SCAF4: variants seen among roughly 807,000 people sequenced by gnomAD.
The protein encoded by SCAF4 is SR-related and CTD-associated factor 4.
SCAF4 carries 25 observed loss-of-function variants against 129.8 expected under a neutral mutation model. The ratio of observed to expected loss-of-function variants is 0.19; its 90% CI spans 0.14 to 0.27. SCAF4 has a LOEUF of 0.27. Among genes scored for constraint, SCAF4 ranks in the 10% least tolerant of loss-of-function variants. The pLI is 1.00. For synonymous variants in SCAF4, 551 were observed against 497.7 expected (o/e 1.11, Z -1.43); for missense variants, 1,246 against 1,457.1 (o/e 0.86, Z 2.36).
intron 12 of SCAF4, 122 bp from the exon 13 acceptor site, chr21:31,692,571 T>C (rs1277232498): frequency 1.3e-5 from 8 of 603,844 alleles, no homozygotes; most frequent in African/African-American, 3.7e-5. Context: ...CAAGTTTAAA[T>C]AGTAAATCTC....
intron 1 of SCAF4, among the ~76,000 whole-genome samples, chr21:31,720,227 A>G (rs1215354303): frequency 1.3e-5 from 2 of 152,246 alleles, no homozygotes; most frequent in African/African-American, 4.8e-5. Context: ...ACATAAAATC[A>G]TTTAATTAGA....
intron 1 of SCAF4, among the ~76,000 whole-genome samples, chr21:31,707,160 G>T (rs1012435786): frequency 6.6e-6 from 1 of 152,006 alleles, no homozygotes. Flanking sequence ...AGATGGGGGG[G>T]TTACTTTTTA....
At chr21:31,689,893 C>A (rs563396627) in intron 15 of SCAF4, among the ~76,000 whole-genome samples, 6 of 151,594 alleles carry the variant, frequency 4.0e-5, no homozygotes, top group Non-Finnish European at 8.8e-5. Context: ...CAAGATCATG[C>A]CACTGCACTC....
At chr21:31,677,167 C>T (rs2049878438) in intron 19 of SCAF4, among the ~76,000 whole-genome samples, 1 of 152,136 alleles carries the variant, frequency 6.6e-6, no homozygotes, top group South Asian at 2.1e-4. Flanking sequence ...TTTACCTGCA[C>T]CTGAATCCAC....
chr21:31,702,097 G>T, intron 5 of SCAF4, 147 bp downstream of exon 5: 1 of 1,289,510 alleles, frequency 7.8e-7, no homozygotes, highest in Non-Finnish European at 1.1e-6. Context: ...TTATAAATAG[G>T]AATTATGGAA....
At chr21:31,676,162 G>A (rs1300906458) in intron 19 of SCAF4, among the ~76,000 whole-genome samples, 1 of 152,080 alleles carries the variant, frequency 6.6e-6, no homozygotes, top group East Asian at 1.9e-4. Flanking sequence ...AAAGAGGAAC[G>A]ACTCAGTTCC....
At position 31,672,094 on chromosome 21, in the gene SCAF4, T is replaced by C; in HGVS notation, c.2749A>G (p.Arg917Gly). ...CCGAGCCCTGGCATTCCACCAGGCCTAACAAAGGGGCCATGCGGTGGGAAG... is the reference window on the plus strand; with the variant it reads ...CCGAGCCCTGGCATTCCACCAGGCCCAACAAAGGGGCCATGCGGTGGGAAG... ...GPFPPHGPFVRPGGMPGLGGP... is the reference protein window; with the variant it reads ...GPFPPHGPFVGPGGMPGLGGP... The change falls in exon 20 of 20, where the codon AGG becomes GGG. Residue 917 changes from arginine to glycine, a missense_variant. By Grantham distance (125) the Arg-to-Gly change is moderately radical. Transcript: ENST00000286835. 1 of 1,613,160 alleles carries C rather than the reference T, an allele frequency of 6.2e-7. No individual in the cohort carries two copies. Among genetic ancestry groups the C allele is most frequent in the Non-Finnish European group, 8.5e-7 (1 of 1,179,288 alleles).
chr21:31,721,781 C>CG (rs2051075042), intron 1 of SCAF4, among the ~76,000 whole-genome samples: 1 of 142,800 alleles, frequency 7.0e-6, no homozygotes, highest in East Asian at 2.1e-4. Flanking sequence ...GGCTGGAGTG[C>CG]ACAGGCACAA....
intron 1 of SCAF4, among the ~76,000 whole-genome samples, chr21:31,724,755 ATCTCTCT>A (rs562348396): frequency 1.1e-3 from 164 of 152,324 alleles, no homozygotes; most frequent in African/African-American, 3.7e-3. Flanking sequence ...CAATTGTGTC[ATCTCTCT>A]AGTAGGTACA....
intron 1 of SCAF4, among the ~76,000 whole-genome samples, chr21:31,731,415 G>A (rs2051353965): frequency 6.6e-6 from 1 of 152,230 alleles, no homozygotes; most frequent in South Asian, 2.1e-4. Context: ...GGCCGCAAGG[G>A]GGCGAGGGGA....
Position 31,671,801 on chromosome 21 carries a change from T to C in SCAF4, c.3042A>G (p.Glu1014=), listed in dbSNP as rs2049706127. The change falls in exon 20 of 20, where the codon GAA becomes GAG. Residue 1014 remains glutamate (E), a synonymous_variant. Transcript: ENST00000286835. The stretch of plus-strand genomic sequence containing the variant: ...TATCATCATTACGGTTCCCATACCG[T>C]TCCCGGTCATTTTCCACCCTATTTC... ...SFGNRVENDR[E]RYGNRNDDRD... 6.2e-7 allele frequency: 1 copy of C among 1,614,140 alleles called. No homozygotes were observed.
At chr21:31,718,597 C>T (rs1601265816) in intron 1 of SCAF4, among the ~76,000 whole-genome samples, 1 of 152,148 alleles carries the variant, frequency 6.6e-6, no homozygotes, top group Non-Finnish European at 1.5e-5. Context: ...CATCCCACCC[C>T]GAAAAGCTTT....
chr21:31,692,315 T>A (rs2050277989), intron 13 of SCAF4, 34 bp downstream of exon 13: 2 of 1,477,814 alleles, frequency 1.4e-6, no homozygotes, highest in East Asian at 4.5e-5. Context: ...ATCACACCTG[T>A]CCATCGTACT....
chr21:31,685,175 C>T lies in SCAF4; in HGVS notation c.2362G>A (p.Val788Met). ...DLSIGNPIPT[V>M]VSGARGNAES... ...GCGTTTCCTCTAGCCCCAGACACCA[C>T]TGTTGGAATGGGATTTCCAATAGAT... The change falls in exon 19 of 20, where the codon GTG becomes ATG. Residue 788 changes from valine to methionine, a missense_variant. Physicochemically the swap from Val to Met is conservative, Grantham distance 21. Transcript: ENST00000286835. 4 of 1,612,752 alleles carry T rather than the reference C, an allele frequency of 2.5e-6. No homozygotes were observed. Among genetic ancestry groups the T allele is most frequent in the Non-Finnish European group, 3.4e-6 (4 of 1,179,400 alleles).
At position 31,690,680 on chromosome 21, in the gene SCAF4, AG is replaced by A. The variant is rs2123525053; in HGVS notation, c.1885+116del. ...TTTATAATGGAGATACTGACACAGG[AG>A]GGATCCTAAAAAATCTCAAAAATCA... On this transcript the variant is annotated intron_variant, in intron 15 of 19. Transcript: ENST00000286835. The A allele has an allele frequency of 5.0e-6, 4 of 807,736 alleles. No individual in the cohort carries two copies. The South Asian group carries it at 7.8e-5, about 16-fold the overall frequency. 50.0% of individuals were successfully genotyped at this position (807,736 alleles called of 1,614,324 possible).
At position 31,693,495 on chromosome 21, in the gene SCAF4, C is replaced by T. The variant is rs767944924; in HGVS notation, c.1323-11G>A. The stretch of plus-strand genomic sequence containing the variant: ...CTCCTTTTTGGTGACCTAATGTTTT[C>T]AAGAGAAGGGAGAATGCATAGCATA... On this transcript the variant is annotated splice_polypyrimidine_tract_variant and intron_variant, in intron 11 of 19. Transcript: ENST00000286835. 1.2e-5 allele frequency: 18 copies of T among 1,461,748 alleles called. No homozygotes were observed. In the South Asian group the frequency reaches 2.1e-4, roughly 17 times the overall value. The allele number at this position is 1,461,748 out of a possible 1,614,324, so 90.5% of individuals were successfully genotyped here.
Position 31,705,479 on chromosome 21 carries a change from TAA to T in SCAF4, c.115-14_115-13del, listed in dbSNP as rs2050634432. Reference sequence around the variant, plus strand: ...ACATGCTTATAAAGCTGAAAAGAATTAAGAGAAAATTACTGTTCAGTTTACTT... The same window carrying T: ...ACATGCTTATAAAGCTGAAAAGAATTGAGAAAATTACTGTTCAGTTTACTT... On this transcript the variant is annotated splice_polypyrimidine_tract_variant and intron_variant, in intron 2 of 19. Transcript: ENST00000286835. The T allele has an allele frequency of 1.6e-6, 2 of 1,235,970 alleles. No individual in the cohort carries two copies. The highest frequency in any genetic ancestry group is 2.3e-6 in the Non-Finnish European group (2 of 882,086). 76.6% of individuals were successfully genotyped at this position (1,235,970 alleles called of 1,614,324 possible). A position where few individuals can be genotyped will look rare whatever the true frequency, so the allele number is the denominator to read the frequency against.
chr21:31,686,414 AG>A (rs1402411996), intron 16 of SCAF4, among the ~76,000 whole-genome samples: 1 of 152,136 alleles, frequency 6.6e-6, no homozygotes, highest in African/African-American at 2.4e-5. Context: ...CTAAGATCAC[AG>A]GTCCTGGAGC....
intron 19 of SCAF4, among the ~76,000 whole-genome samples, chr21:31,677,697 A>G (rs1053221809): frequency 6.6e-6 from 1 of 152,004 alleles, no homozygotes; most frequent in Non-Finnish European, 1.5e-5. Context: ...ATCTCCCTCT[A>G]CATTTTTATC....
Sources: gnomAD v4.1 joint callset for allele counts (sites outside exome capture counted in the v4.1 genomes callset) on GRCh38, gnomAD v4.1.1 for gene constraint, MANE v1.5 for transcripts, NCBI Gene and HGNC (gene_info 2026-07-23, HGNC 2026-07-21) for gene names.